The following HTR7 variants were observed in gnomAD, a reference collection of about 807,000 sequenced individuals.
HTR7 encodes 5-HT-7.
A neutral mutation model predicts 34.0 loss-of-function variants in HTR7; 16 were observed. The ratio of observed to expected loss-of-function variants is 0.47; its 90% CI spans 0.32 to 0.71. The LOEUF (loss-of-function observed/expected upper bound fraction) is 0.71. HTR7 is among the 30% of genes least tolerant of loss of function. The probability of loss-of-function intolerance (pLI) is 0.04; values close to 1 mark genes in which losing one functional copy is unlikely to be tolerated. For missense variants in HTR7, 504 were observed against 625.5 expected, an observed-to-expected ratio of 0.81 and a Z score of 2.07; for synonymous variants, 265 against 260.2, an observed-to-expected ratio of 1.02 and a Z score of -0.18.
At chr10:90,768,484 T>G (rs776192073) in intron 1 of HTR7, among the ~76,000 whole-genome samples, 3 of 152,216 alleles carry the variant, frequency 2.0e-5, no homozygotes, top group Non-Finnish European at 4.4e-5. Context: ...TAAAATCTTG[T>G]GTGCCCTTCA....
intron 1 of HTR7, among the ~76,000 whole-genome samples, chr10:90,791,428 T>C (rs927535550): frequency 3.3e-5 from 5 of 152,086 alleles, no homozygotes; most frequent in Admixed American, 2.0e-4. Flanking sequence ...AAGTTGCACA[T>C]TGAACACTGA....
chr10:90,832,570 C>T (rs1444782977), intron 1 of HTR7, among the ~76,000 whole-genome samples: 1 of 152,224 alleles, frequency 6.6e-6, no homozygotes, highest in African/African-American at 2.4e-5. Flanking sequence ...TCCACACCTT[C>T]CCACAAGCTG....
At chr10:90,840,799 GTATTACC>G (rs1467082406) in intron 1 of HTR7, among the ~76,000 whole-genome samples, 10 of 152,314 alleles carry the variant, frequency 6.6e-5, no homozygotes, top group Admixed American at 5.2e-4. Flanking sequence ...GAAGGCATTA[GTATTACC>G]TATGTCATAG....
Position 90,849,827 on chromosome 10 carries a change from ACACT to A in HTR7, c.539+7302_539+7305del, listed in dbSNP as rs1846470287. 2.6e-5 allele frequency among the ~76,000 whole-genome samples: 4 copies of A among 152,332 alleles called. No individual in the cohort carries two copies. The South Asian group carries it at 8.3e-4, about 32-fold the overall frequency. ...AGCTGGATAAAGCACAAATACACAC[ACACT>A]CACACACGCATGCACGCTATGATGC... On this transcript the variant is annotated intron_variant, in intron 1 of 3. Coordinates refer to ENST00000336152, the MANE Select transcript of HTR7 (RefSeq NM_019859.4).
intron 1 of HTR7, among the ~76,000 whole-genome samples, chr10:90,814,760 G>C (rs1227887361): frequency 6.6e-6 from 1 of 152,176 alleles, no homozygotes; most frequent in South Asian, 2.1e-4. Flanking sequence ...ACATTACCAA[G>C]GGCTGGATGG....
intron 1 of HTR7, among the ~76,000 whole-genome samples, chr10:90,798,942 C>G (rs1845581916): frequency 6.6e-6 from 1 of 152,142 alleles, no homozygotes; most frequent in South Asian, 2.1e-4. Flanking sequence ...ACAAATTAGT[C>G]AAAAGATTAG....
At chr10:90,760,009 A>G (rs577764396) in intron 1 of HTR7, among the ~76,000 whole-genome samples, 29 of 152,336 alleles carry the variant, frequency 1.9e-4, no homozygotes, top group African/African-American at 6.5e-4. Flanking sequence ...TCTTAAAATT[A>G]GTGCTGTACA....
At chr10:90,836,462 A>T (rs12241061) in intron 1 of HTR7, among the ~76,000 whole-genome samples, 9,465 of 152,246 alleles carry the variant, frequency 0.062, 365 homozygotes, top group African/African-American at 0.1. Flanking sequence ...GTGGGTGTTT[A>T]TATGAGTCAA....
chr10:90,839,310 A>G (rs1374213020), intron 1 of HTR7, among the ~76,000 whole-genome samples: 1 of 152,208 alleles, frequency 6.6e-6, no homozygotes, highest in African/African-American at 2.4e-5. Flanking sequence ...CCCGGAATAT[A>G]ATTCTGAAAT....
At chr10:90,785,987 G>A (rs983767039) in intron 1 of HTR7, among the ~76,000 whole-genome samples, 1 of 152,142 alleles carries the variant, frequency 6.6e-6, no homozygotes, top group African/African-American at 2.4e-5. Flanking sequence ...GTGACCACTG[G>A]GATGTGGCCT....
chr10:90,743,675 C>T lies in HTR7; in HGVS notation c.1311G>A (p.Arg437=), dbSNP rs1469082242. ...RPEFVLRACT[R]RVLLRPEKRP... ...TCTTTTCTGGTCTCAACAGCACCCTCCTTGTGCAGGCCCTCCTGCAATTTA... is the reference window on the plus strand; with the variant it reads ...TCTTTTCTGGTCTCAACAGCACCCTTCTTGTGCAGGCCCTCCTGCAATTTA... The change falls in exon 3 of 4, where the codon AGG becomes AGA. Residue 437 remains arginine, a synonymous_variant. Coordinates refer to ENST00000336152, the MANE Select transcript of HTR7 (RefSeq NM_019859.4). 3 of 1,613,646 alleles carry T rather than the reference C, an allele frequency of 1.9e-6. No homozygotes were observed. Among genetic ancestry groups the T allele is most frequent in the Non-Finnish European group, 2.5e-6 (3 of 1,179,586 alleles).
intron 1 of HTR7, among the ~76,000 whole-genome samples, chr10:90,813,237 C>G (rs1845845303): frequency 6.6e-6 from 1 of 152,206 alleles, no homozygotes; most frequent in South Asian, 2.1e-4. Flanking sequence ...GTTTGGTGGT[C>G]TCTTCACACG....
intron 1 of HTR7, among the ~76,000 whole-genome samples, chr10:90,753,558 G>C (rs562860725): frequency 6.6e-6 from 1 of 152,200 alleles, no homozygotes; most frequent in East Asian, 1.9e-4. Flanking sequence ...TTGCTATTGG[G>C]AATGTCAACT....
intron 1 of HTR7, among the ~76,000 whole-genome samples, chr10:90,785,008 C>T (rs1044720200): frequency 6.6e-5 from 10 of 152,156 alleles, no homozygotes; most frequent in African/African-American, 2.2e-4. Flanking sequence ...GCTAGGATGC[C>T]GTGTCCTCCA....
At chr10:90,755,695 AATG>A (rs1215090232) in intron 1 of HTR7, among the ~76,000 whole-genome samples, 8 of 152,254 alleles carry the variant, frequency 5.3e-5, no homozygotes, top group Admixed American at 2.6e-4. Flanking sequence ...GGTTAAAATT[AATG>A]ATGATGATGA....
intron 1 of HTR7, among the ~76,000 whole-genome samples, chr10:90,787,499 AT>A (rs2119867880): frequency 6.6e-6 from 1 of 152,248 alleles, no homozygotes; most frequent in Non-Finnish European, 1.5e-5. Flanking sequence ...CTCAAAAAAA[AT>A]AAAAATAAAA....
At chr10:90,781,353 A>C (rs576910802) in intron 1 of HTR7, among the ~76,000 whole-genome samples, 7 of 152,252 alleles carry the variant, frequency 4.6e-5, no homozygotes, top group Non-Finnish European at 8.8e-5. Context: ...AAGGAATTTA[A>C]GCCGAACCCC....
chr10:90,775,430 G>A (rs1845191295), intron 1 of HTR7, among the ~76,000 whole-genome samples: 1 of 152,154 alleles, frequency 6.6e-6, no homozygotes, highest in South Asian at 2.1e-4. Flanking sequence ...TGTTGAGGAA[G>A]AGAATCCTAC....
intron 1 of HTR7, among the ~76,000 whole-genome samples, chr10:90,750,709 CA>C (rs1195850616): frequency 6.6e-6 from 1 of 152,124 alleles, no homozygotes; most frequent in East Asian, 1.9e-4. Context: ...GGTTAGAACT[CA>C]AAAAACAATT....
Sources: allele counts gnomAD v4.1 joint callset (sites outside exome capture counted in the v4.1 genomes callset), GRCh38; gene constraint gnomAD v4.1.1; transcripts MANE v1.5; gene names NCBI Gene and HGNC (gene_info 2026-07-23, HGNC 2026-07-21).